The following ERCC5 variants were observed in gnomAD, a reference collection of about 807,000 sequenced individuals.
ERCC5 encodes the protein ERCC excision repair 5, endonuclease.
Under a neutral mutation model 105.6 loss-of-function variants are expected in ERCC5, and 68 were observed. The observed-to-expected ratio is 0.64, with a 90% CI of 0.53 to 0.79. The LOEUF (loss-of-function observed/expected upper bound fraction) is 0.79, where lower values mean the gene tolerates loss of function less well. Ranked by LOEUF, ERCC5 falls within the 30% of genes least tolerant of loss-of-function variation. ERCC5 has a pLI of 0.00. For missense variants in ERCC5, 1,373 were observed against 1,426.7 expected (o/e 0.96, Z 0.61); for synonymous variants, 546 against 526.2 (o/e 1.04, Z -0.51).
Position 102,865,689 on chromosome 13 carries a change from T to G in ERCC5, c.1977T>G (p.Ser659Arg). 2 of 1,613,688 alleles carry G rather than the reference T, an allele frequency of 1.2e-6. No homozygotes were observed. The highest frequency in any genetic ancestry group is 2.2e-5 in the South Asian group (2 of 91,032). Residue 659 changes from serine (S) to arginine (R), a missense_variant, in exon 9 of 15, where the codon AGT becomes AGG. By Grantham distance (110) the Ser-to-Arg change is moderately radical (BLOSUM62 -1). Around this residue, in one of 3 missense-constraint regions of ERCC5, gnomAD observed 1,004 missense variants for 1,059.7 expected, o/e 0.95. Transcript: ENST00000652225. The surrounding 1 kb of genome is among the most constrained non-coding windows in gnomAD (Gnocchi z 4.0). The part of the protein sequence containing the change: ...ESDGSFIEVQ[S>R]VISDEELQAE... ...CAGGAAGTTTCATTGAAGTGCAAAGTGTGATTAGTGATGAGGAACTTCAAG... is the reference window on the plus strand; with the variant it reads ...CAGGAAGTTTCATTGAAGTGCAAAGGGTGATTAGTGATGAGGAACTTCAAG...
intron 13 of ERCC5, 74 bp from the exon 14 acceptor site, chr13:102,873,185 G>A: frequency 6.3e-7 from 1 of 1,580,630 alleles, no homozygotes; most frequent in Non-Finnish European, 8.7e-7. Context: ...ATCAAGAATG[G>A]GTTCTTTGGA....
intron 12 of ERCC5, among the ~76,000 whole-genome samples, chr13:102,869,873 T>C (rs1882976380): frequency 6.6e-6 from 1 of 152,242 alleles, no homozygotes; most frequent in South Asian, 2.1e-4. Context: ...GTGAATGACC[T>C]GTTTATGCTG....
At chr13:102,872,555 T>C (rs1399545594) in intron 13 of ERCC5, among the ~76,000 whole-genome samples, 157 bp downstream of exon 13, 1 of 152,164 alleles carries the variant, frequency 6.6e-6, no homozygotes, top group East Asian at 1.9e-4. Flanking sequence ...TTCCCTCTCC[T>C]CAGTTGTTGT....
Position 102,875,684 on chromosome 13 carries a change from A to T in ERCC5, c.3342A>T (p.Gln1114His). 1 of 1,614,168 alleles carries T rather than the reference A, an allele frequency of 6.2e-7. No homozygotes were observed. Residue 1114 changes from glutamine (Q) to histidine (H), a missense_variant, in exon 15 of 15, where the codon CAA (glutamine) becomes CAT (histidine). Gln to His is a conservative substitution (Grantham distance 24). Around this residue, in one of 3 missense-constraint regions of ERCC5, gnomAD observed 367 missense variants for 350.2 expected, o/e 1.05. Coordinates refer to ENST00000652225, the MANE Select transcript of ERCC5 (RefSeq NM_000123.4). The stretch of plus-strand genomic sequence containing the variant: ...AAAGTTCATCTTTAATGAATGTACA[A>T]AGGAGAACAGCTGCGAAAGAGCCAA... The part of the protein sequence containing the change: ...DAESSSLMNV[Q>H]RRTAAKEPKT...
At position 102,846,188 on chromosome 13, in the gene ERCC5, T is replaced by A; in HGVS notation, c.-79T>A. The A allele has an allele frequency of 8.1e-7, 1 of 1,227,076 alleles. No homozygotes were observed. The highest frequency in any genetic ancestry group is 2.5e-5 in the East Asian group (1 of 39,692). 76.0% of individuals were successfully genotyped at this position (1,227,076 alleles called of 1,614,324 possible). On this transcript the variant is annotated 5_prime_UTR_variant, in exon 1 of 15. Coordinates refer to ENST00000652225, the MANE Select transcript of ERCC5 (RefSeq NM_000123.4). ...GAGCAGGGAGGGCTTCCTCCCGGGGTCCTAGGCGGCGGTGCAGTCCGTCGT... is the reference window on the plus strand; with the variant it reads ...GAGCAGGGAGGGCTTCCTCCCGGGGACCTAGGCGGCGGTGCAGTCCGTCGT...
At chr13:102,872,154 A>G (rs1211052619) in intron 12 of ERCC5, 44 bp from the exon 13 acceptor site, 2 of 1,598,136 alleles carry the variant, frequency 1.3e-6, no homozygotes, top group East Asian at 4.5e-5. Context: ...TATGAACTAT[A>G]ATGTCTCATT....
intron 1 of ERCC5, among the ~76,000 whole-genome samples, chr13:102,851,544 C>T (rs1000230732): frequency 1.1e-4 from 17 of 152,246 alleles, no homozygotes; most frequent in Admixed American, 3.9e-4. Context: ...CCACCTGCCT[C>T]GGCCTCCCAA....
At position 102,862,060 on chromosome 13, in the gene ERCC5, A is replaced by G. The variant is rs750668833; in HGVS notation, c.911A>G (p.Asp304Gly). The G allele has an allele frequency of 6.2e-7, 1 of 1,614,228 alleles. No homozygotes were observed. Among genetic ancestry groups the G allele is most frequent in the African/African-American group, 1.3e-5 (1 of 75,058 alleles). ...GIQAKTVAEV[D>G]SESLPSSSKM... is the part of the protein sequence containing the mutation. Reference sequence around the variant, plus strand: ...CAAGCTAAGACAGTTGCAGAAGTGGATTCAGAGTCTCTTCCTTCTTCCAGC... The same window carrying G: ...CAAGCTAAGACAGTTGCAGAAGTGGGTTCAGAGTCTCTTCCTTCTTCCAGC... Residue 304 changes from aspartate to glycine, a missense_variant, in exon 8 of 15, where the codon GAT (aspartate) becomes GGT (glycine). Transcript: ENST00000652225.
Position 102,865,288 on chromosome 13 carries a change from G to A in ERCC5, c.1955-379G>A, listed in dbSNP as rs1595385483. 9.2e-6 allele frequency: 3 copies of A among 325,652 alleles called. No homozygotes were observed. The Admixed American group carries it at 1.3e-4, about 14-fold the overall frequency. The allele number at this position is 325,652 out of a possible 1,614,324, so 20.2% of individuals were successfully genotyped here. ...CTTAGTCACAGCTTTATTCTGTGCT[G>A]TGTAAATAGCATAAAAACATACTGA... On this transcript the variant is annotated intron_variant, in intron 8 of 14. Coordinates refer to ENST00000652225, the MANE Select transcript of ERCC5 (RefSeq NM_000123.4). This position sits in a 1 kb window ranked among gnomAD's most constrained non-coding sequence, Gnocchi z 4.0.
Position 102,852,202 on chromosome 13 carries a change from T to C in ERCC5, c.173T>C (p.Leu58Ser), listed in dbSNP as rs1282864712. ...ATAGAAAATCCTCATCTTCTCACTT[T>C]GTTTCATCGGCTCTGCAAACTCTTA... is the stretch of plus-strand genomic sequence containing the variant. ...NSIENPHLLT[L>S]FHRLCKLLFF... Residue 58 changes from leucine to serine, a missense_variant, in exon 2 of 15, where the codon TTG becomes TCG. This residue lies in a region of ERCC5 where 1,004 missense variants were observed against 1,059.7 expected (regional missense o/e 0.95). Coordinates refer to ENST00000652225, the MANE Select transcript of ERCC5 (RefSeq NM_000123.4). 1 of 1,614,182 alleles carries C rather than the reference T, an allele frequency of 6.2e-7. No homozygotes were observed.
At chr13:102,852,343 G>A (rs2140517560) in intron 2 of ERCC5, 50 bp downstream of exon 2, 3 of 1,594,566 alleles carry the variant, frequency 1.9e-6, no homozygotes, top group Non-Finnish European at 2.6e-6. Context: ...TTTTCTTTCT[G>A]CATTCTTAGA....
chr13:102,849,357 C>G, intron 1 of ERCC5: 1 of 519,018 alleles, frequency 1.9e-6, no homozygotes, highest in Non-Finnish European at 3.8e-6. Flanking sequence ...GTGGCCGTAT[C>G]ACCTCCTGCC....
intron 6 of ERCC5, among the ~76,000 whole-genome samples, chr13:102,858,622 C>T (rs1882512000): frequency 6.6e-6 from 1 of 152,158 alleles, no homozygotes; most frequent in Admixed American, 6.5e-5. Context: ...TTTTTCTTGA[C>T]TTTTGACCCG....
rs776279093 is a variant in ERCC5 at position 102,872,328 on chromosome 13, C to A, written c.2809C>A (p.Leu937Ile). 8.7e-6 allele frequency: 14 copies of A among 1,614,050 alleles called. No individual in the cohort carries two copies. The highest frequency in any genetic ancestry group is 1.7e-5 in the Admixed American group (1 of 59,996). ...FPNPAVAEAYLKPVVDDSKGS... is the reference protein window; with the variant it reads ...FPNPAVAEAYIKPVVDDSKGS... Reference sequence around the variant, plus strand: ...TAACCCAGCTGTTGCCGAGGCCTACCTCAAACCCGTGGTGGATGACTCGAA... The same window carrying A: ...TAACCCAGCTGTTGCCGAGGCCTACATCAAACCCGTGGTGGATGACTCGAA... Residue 937 changes from leucine (L) to isoleucine (I), a missense_variant, in exon 13 of 15, where the codon CTC (leucine) becomes ATC (isoleucine). By Grantham distance (5) the Leu-to-Ile change is conservative. Coordinates refer to ENST00000652225, the MANE Select transcript of ERCC5 (RefSeq NM_000123.4).
Position 102,866,793 on chromosome 13 carries a change from TA to T in ERCC5, c.2486del (p.Asn829ThrfsTer4). 1.2e-6 allele frequency: 2 copies of T among 1,614,074 alleles called. No homozygotes were observed. The highest frequency in any genetic ancestry group is 2.2e-5 in the South Asian group (2 of 91,062). ...GGCATGTCTATAGAAACTTTTTTAA[TA>T]AAAACAAGTTTGTAGAATATTATCA... ...ARHVYRNFFN[K>X]NKFVEYYQYV... On this transcript the variant is annotated frameshift_variant, in exon 11 of 15. Transcript: ENST00000652225. LOFTEE classifies it high-confidence loss of function.
At chr13:102,860,321 T>G (rs1002807863) in intron 6 of ERCC5, among the ~76,000 whole-genome samples, 5 of 152,218 alleles carry the variant, frequency 3.3e-5, no homozygotes, top group African/African-American at 1.2e-4. Flanking sequence ...ATCTGTGATA[T>G]TGTGAAGAAG....
chr13:102,868,392 T>G (rs1394223260), intron 12 of ERCC5, 135 bp downstream of exon 12: 1 of 1,270,494 alleles, frequency 7.9e-7, no homozygotes, highest in Non-Finnish European at 1.1e-6. Context: ...CAGAAAGTAT[T>G]GGTTGTTTTC....
In ERCC5 at chr13:102,875,738, A is replaced by G. The variant is rs1225882613; in HGVS notation, c.3396A>G (p.Ser1132=). 7 of 1,614,112 alleles carry G rather than the reference A, an allele frequency of 4.3e-6. No homozygotes were observed. The highest frequency in any genetic ancestry group is 1.3e-5 in the African/African-American group (1 of 74,938). ...CCAGTGCTTCAGATTCGCAGAACTC[A>G]GTGAAGGAAGCTCCCGTGAAGAATG... is the stretch of plus-strand genomic sequence containing the variant. ...PKTSASDSQN[S]VKEAPVKNGG... The change falls in exon 15 of 15, where the codon TCA becomes TCG. Residue 1132 remains serine, a synonymous_variant. Transcript: ENST00000652225.
At chr13:102,868,286 T>C in intron 12 of ERCC5, 29 bp downstream of exon 12, 2 of 1,614,062 alleles carry the variant, frequency 1.2e-6, no homozygotes, top group Middle Eastern at 1.6e-4. Context: ...TTAATTTGGA[T>C]AATTGTGTAA....
Sources: allele counts gnomAD v4.1 joint callset (sites outside exome capture counted in the v4.1 genomes callset), GRCh38; gene constraint gnomAD v4.1.1; regional missense constraint gnomAD v4.1.1; non-coding constraint Gnocchi (gnomAD v3.1); transcripts MANE v1.5; gene names NCBI Gene and HGNC (gene_info 2026-07-23, HGNC 2026-07-21).